Variants in USP12 observed in about 807,000 individuals in gnomAD.
USP12 encodes the protein ubiquitin specific peptidase 12.
Under a neutral mutation model 45.5 loss-of-function variants are expected in USP12, and 19 were observed. The ratio of observed to expected loss-of-function variants is 0.42; its 90% CI spans 0.29 to 0.61. The LOEUF is 0.61. Ranked by LOEUF, USP12 falls within the 20% of genes least tolerant of loss-of-function variation. The probability of loss-of-function intolerance (pLI) is 0.22; values close to 1 mark genes in which losing one functional copy is unlikely to be tolerated. For missense variants in USP12, 242 were observed against 447.7 expected (o/e 0.54, Z 4.15); for synonymous variants, 149 against 148.8 (o/e 1.00, Z -0.01).
intron 1 of USP12, among the ~76,000 whole-genome samples, chr13:27,160,259 G>A (rs1878043798): frequency 6.6e-6 from 1 of 152,082 alleles, no homozygotes; most frequent in South Asian, 2.1e-4. Context: ...ATTTTTATCT[G>A]GCTAAGGCTT....
intron 3 of USP12, 59 bp from the exon 4 acceptor site, chr13:27,095,889 C>T: frequency 7.8e-7 from 1 of 1,289,008 alleles, no homozygotes; most frequent in Non-Finnish European, 1.0e-6. Flanking sequence ...TCATAAAAAA[C>T]CAATTTATAA....
At chr13:27,089,837 T>A (rs1187083806) in intron 6 of USP12, 46 bp downstream of exon 6, 11 of 1,578,868 alleles carry the variant, frequency 7.0e-6, no homozygotes, top group African/African-American at 1.4e-5. Flanking sequence ...CAACATCAAT[T>A]ACAAAAAATA....
At chr13:27,071,177 CAATAT>C in intron 7 of USP12, 28 bp from the exon 8 acceptor site, 1 of 1,553,752 alleles carries the variant, frequency 6.4e-7, no homozygotes, top group East Asian at 2.3e-5. Flanking sequence ...GAAGTTAATT[CAATAT>C]ATTTATTAAT....
At chr13:27,115,966 T>C (rs1380361454) in intron 2 of USP12, among the ~76,000 whole-genome samples, 1 of 152,148 alleles carries the variant, frequency 6.6e-6, no homozygotes, top group African/African-American at 2.4e-5. Flanking sequence ...TCTGACAAAA[T>C]AGGGATGATC....
At chr13:27,116,667 G>C (rs1875758465) in intron 1 of USP12, 71 bp from the exon 2 acceptor site, 1 of 1,437,324 alleles carries the variant, frequency 7.0e-7, no homozygotes, top group Non-Finnish European at 9.6e-7. Context: ...TTCAGTCAAT[G>C]ACAGGCCGCA....
chr13:27,121,889 C>T (rs1876009148), intron 1 of USP12, among the ~76,000 whole-genome samples: 1 of 151,976 alleles, frequency 6.6e-6, no homozygotes, highest in Admixed American at 6.6e-5. Flanking sequence ...CCAGAATTAA[C>T]AGACACAGGA....
chr13:27,094,549 T>G (rs1406750259), intron 4 of USP12, among the ~76,000 whole-genome samples: 2 of 151,934 alleles, frequency 1.3e-5, no homozygotes, highest in Admixed American at 6.6e-5. Context: ...GACTGGGTGA[T>G]CAAAAATTAA....
intron 1 of USP12, among the ~76,000 whole-genome samples, chr13:27,120,672 A>T (rs1275754623): frequency 6.6e-6 from 1 of 151,688 alleles, no homozygotes; most frequent in Non-Finnish European, 1.5e-5. Flanking sequence ...TATCAGAATT[A>T]ATTTATTTTT....
At chr13:27,137,874 G>A (rs1876878574) in intron 1 of USP12, among the ~76,000 whole-genome samples, 1 of 152,258 alleles carries the variant, frequency 6.6e-6, no homozygotes, top group Non-Finnish European at 1.5e-5. Flanking sequence ...GGAGCAAGCT[G>A]CCGCGCTGAG....
At chr13:27,138,862 C>A (rs926978484) in intron 1 of USP12, among the ~76,000 whole-genome samples, 3 of 152,160 alleles carry the variant, frequency 2.0e-5, no homozygotes, top group African/African-American at 7.2e-5. Flanking sequence ...CATATTCACC[C>A]TGTAACAGAG....
intron 1 of USP12, among the ~76,000 whole-genome samples, chr13:27,124,396 C>T (rs1365719334): frequency 2.6e-5 from 4 of 152,064 alleles, no homozygotes. Flanking sequence ...ATACACCTTA[C>T]CAAGAAATTA....
intron 1 of USP12, among the ~76,000 whole-genome samples, chr13:27,126,692 T>C (rs1264569234): frequency 2.0e-5 from 3 of 152,128 alleles, no homozygotes; most frequent in Admixed American, 6.5e-5. Context: ...GAGACCAGAT[T>C]TGTAGCACCT....
chr13:27,083,307 T>C (rs1873850171), intron 6 of USP12, among the ~76,000 whole-genome samples: 1 of 152,196 alleles, frequency 6.6e-6, no homozygotes, highest in African/African-American at 2.4e-5. Context: ...CACATGCTGT[T>C]GGAAAAATGG....
At chr13:27,089,279 C>T (rs892191510) in intron 6 of USP12, among the ~76,000 whole-genome samples, 3 of 152,172 alleles carry the variant, frequency 2.0e-5, no homozygotes, top group Non-Finnish European at 4.4e-5. Flanking sequence ...CATAGGAAAA[C>T]GTCCCTGTTG....
intron 6 of USP12, among the ~76,000 whole-genome samples, chr13:27,077,038 T>C (rs1168100955): frequency 6.6e-6 from 1 of 152,196 alleles, no homozygotes; most frequent in Non-Finnish European, 1.5e-5. Context: ...TCTTTTACAT[T>C]GTAAAAAATC....
chr13:27,152,905 G>A (rs1877640781), intron 1 of USP12, among the ~76,000 whole-genome samples: 1 of 142,420 alleles, frequency 7.0e-6, no homozygotes, highest in African/African-American at 2.7e-5. Flanking sequence ...TCGCACCACT[G>A]CACTCCAGCC....
chr13:27,101,469 AT>A (rs906057271), intron 3 of USP12, among the ~76,000 whole-genome samples: 1 of 152,250 alleles, frequency 6.6e-6, no homozygotes, highest in Non-Finnish European at 1.5e-5. Flanking sequence ...TTCAATAAAT[AT>A]TTAGTAAGCA....
chr13:27,076,668 T>C (rs1382947450), intron 6 of USP12, among the ~76,000 whole-genome samples: 2 of 152,198 alleles, frequency 1.3e-5, no homozygotes, highest in Admixed American at 6.5e-5. Context: ...GAACTGAATT[T>C]TAAATGGGTC....
intron 3 of USP12, among the ~76,000 whole-genome samples, chr13:27,104,427 G>A (rs1409122762): frequency 6.6e-6 from 1 of 152,060 alleles, no homozygotes; most frequent in Non-Finnish European, 1.5e-5. Context: ...AACTTTTAAA[G>A]TTTTGTACAG....
Sources: gnomAD v4.1 joint callset for allele counts (sites outside exome capture counted in the v4.1 genomes callset) on GRCh38, gnomAD v4.1.1 for gene constraint, MANE v1.5 for transcripts, NCBI Gene and HGNC (gene_info 2026-07-23, HGNC 2026-07-21) for gene names.